The following SPHKAP variants were observed in gnomAD, a reference collection of about 807,000 sequenced individuals.
The protein encoded by SPHKAP is SPHK1 interactor, AKAP domain containing.
Under a neutral mutation model 137.5 loss-of-function variants are expected in SPHKAP, and 67 were observed. The observed-to-expected ratio is 0.49, with a 90% CI of 0.40 to 0.60. SPHKAP has a LOEUF of 0.60. Among genes scored for constraint, SPHKAP ranks in the 20% least tolerant of loss-of-function variants. SPHKAP has a pLI of 0.00. For synonymous variants in SPHKAP, 813 were observed against 785.3 expected (o/e 1.04, Z -0.59); for missense variants, 2,097 against 2,069.3 (o/e 1.01, Z -0.26).
chr2:228,134,653 C>T lies in SPHKAP; in HGVS notation c.33-2568G>A, dbSNP rs114247546. On this transcript the variant is annotated intron_variant, in intron 1 of 11. Coordinates refer to ENST00000392056, the MANE Select transcript of SPHKAP (RefSeq NM_001142644.2). ...AATAGTTTACATGTGGAAGATAAGGCCATGCACCAAGCTAACTTTGAACTT... is the reference window on the plus strand; with the variant it reads ...AATAGTTTACATGTGGAAGATAAGGTCATGCACCAAGCTAACTTTGAACTT... Among the ~76,000 whole-genome samples the T allele has an allele frequency of 5.7e-3, 865 of 152,294 alleles. 8 individuals are homozygous for T. The highest frequency in any genetic ancestry group is 0.02 in the African/African-American group (812 of 41,568).
chr2:228,043,040 A>G (rs1695910276), intron 3 of SPHKAP, among the ~76,000 whole-genome samples: 1 of 152,246 alleles, frequency 6.6e-6, no homozygotes, highest in Admixed American at 6.5e-5. Context: ...ACTGCAATTT[A>G]AAACGGAAAT....
At chr2:228,026,890 T>G (rs954402192) in intron 4 of SPHKAP, among the ~76,000 whole-genome samples, 19 of 152,238 alleles carry the variant, frequency 1.2e-4, no homozygotes, top group Non-Finnish European at 2.2e-4. Flanking sequence ...TAAACAGTAT[T>G]ACACCAAATG....
chr2:228,152,378 C>A (rs1233554480), intron 1 of SPHKAP, among the ~76,000 whole-genome samples: 1 of 151,974 alleles, frequency 6.6e-6, no homozygotes, highest in African/African-American at 2.4e-5. Context: ...AGGTCTTTAC[C>A]ATTATACTTT....
Position 228,012,381 on chromosome 2 carries a change from C to T in SPHKAP, c.4448+4025G>A, listed in dbSNP as rs567401904. Among the ~76,000 whole-genome samples the T allele has an allele frequency of 3.3e-5, 5 of 152,038 alleles. 1 individual carries two copies. In the South Asian group the frequency reaches 8.3e-4, roughly 25 times the overall value. On this transcript the variant is annotated intron_variant, in intron 7 of 11. Coordinates refer to ENST00000392056, the MANE Select transcript of SPHKAP (RefSeq NM_001142644.2). ...GGTGATTCATAGTGGGAACATTTTT[C>T]GGGCTGGCTAGATCACCATAATGCT...
intron 3 of SPHKAP, among the ~76,000 whole-genome samples, chr2:228,071,414 T>C (rs540559789): frequency 8.5e-4 from 129 of 152,344 alleles, no homozygotes; most frequent in Non-Finnish European, 1.4e-3. Context: ...TTCTGTTATC[T>C]TGACATTTTT....
At chr2:228,051,514 A>G (rs952492288) in intron 3 of SPHKAP, among the ~76,000 whole-genome samples, 2 of 152,070 alleles carry the variant, frequency 1.3e-5, no homozygotes, top group African/African-American at 4.8e-5. Flanking sequence ...AGGCTAGACC[A>G]CTGGTTCAAG....
rs368894722 is a variant in SPHKAP at position 228,019,315 on chromosome 2, T to C, written c.1539A>G (p.Pro513=). Reference sequence around the variant, plus strand: ...CCATTTTGAGTCTTTCTGTGGCCTGTGGACTGGAAATAGTTCCAATCACAG... The same window carrying C: ...CCATTTTGAGTCTTTCTGTGGCCTGCGGACTGGAAATAGTTCCAATCACAG... ...AATVIGTISS[P]QATERLKMEQ... The change falls in exon 7 of 12, where the codon CCA becomes CCG. Residue 513 remains proline, a synonymous_variant. Transcript: ENST00000392056. 1 of 1,614,200 alleles carries C rather than the reference T, an allele frequency of 6.2e-7. No homozygotes were observed.
chr2:228,012,837 TG>T (rs1394024882), intron 7 of SPHKAP, among the ~76,000 whole-genome samples: 1 of 152,256 alleles, frequency 6.6e-6, no homozygotes, highest in East Asian at 1.9e-4. Context: ...GTCAGTTTGT[TG>T]TTTATACTTT....
intron 11 of SPHKAP, among the ~76,000 whole-genome samples, chr2:227,988,788 G>A (rs1693305283): frequency 1.3e-5 from 2 of 152,164 alleles, no homozygotes; most frequent in South Asian, 4.1e-4. Context: ...TGGGGGTAGG[G>A]TCACACATGA....
intron 1 of SPHKAP, among the ~76,000 whole-genome samples, chr2:228,173,755 T>G (rs979056568): frequency 2.6e-5 from 4 of 152,208 alleles, no homozygotes; most frequent in Non-Finnish European, 4.4e-5. Context: ...GATAAATGTA[T>G]TGTTTTAAGC....
intron 11 of SPHKAP, chr2:227,982,364 G>A: frequency 1.0e-6 from 1 of 985,298 alleles, no homozygotes; most frequent in Non-Finnish European, 1.2e-6. Context: ...TCACCCTCCA[G>A]GCTAAAATCA....
chr2:228,167,504 A>T (rs1250633043), intron 1 of SPHKAP, among the ~76,000 whole-genome samples: 1 of 152,202 alleles, frequency 6.6e-6, no homozygotes, highest in East Asian at 1.9e-4. Flanking sequence ...AGCAATGAAC[A>T]CATTATATGG....
intron 3 of SPHKAP, among the ~76,000 whole-genome samples, chr2:228,029,948 C>G (rs1212436955): frequency 6.6e-6 from 1 of 152,128 alleles, no homozygotes; most frequent in Admixed American, 6.5e-5. Flanking sequence ...AGAAAGGCCT[C>G]TATAGTAGCA....
Position 228,018,840 on chromosome 2 carries a change from A to T in SPHKAP, c.2014T>A (p.Ser672Thr). Reference sequence around the variant, plus strand: ...ATGGAATGCCTCAGGATAACATTGGACAGGGTATGTGCCAGTTCATTCCTG... The same window carrying T: ...ATGGAATGCCTCAGGATAACATTGGTCAGGGTATGTGCCAGTTCATTCCTG... The part of the protein sequence containing the change: ...VVRNELAHTL[S>T]NVILRHSIDE... The change falls in exon 7 of 12, where the codon TCC becomes ACC. Residue 672 changes from serine (S) to threonine (T), a missense_variant. Ser to Thr is a moderately conservative substitution (Grantham distance 58, BLOSUM62 1). Transcript: ENST00000392056. 1 of 1,614,216 alleles carries T rather than the reference A, an allele frequency of 6.2e-7. No homozygotes were observed. The highest frequency in any genetic ancestry group is 1.3e-5 in the African/African-American group (1 of 75,056).
intron 3 of SPHKAP, among the ~76,000 whole-genome samples, chr2:228,036,928 A>T (rs1398715655): frequency 2.0e-5 from 3 of 152,034 alleles, no homozygotes; most frequent in African/African-American, 7.2e-5. Flanking sequence ...CATATACCTA[A>T]TGCTAAGTGA....
chr2:228,120,916 G>T (rs552078701), intron 2 of SPHKAP, among the ~76,000 whole-genome samples: 2 of 152,284 alleles, frequency 1.3e-5, no homozygotes, highest in East Asian at 3.9e-4. Context: ...AATCAAGTTA[G>T]ACACATAAAT....
At chr2:227,995,081 G>A (rs937818901) in intron 8 of SPHKAP, among the ~76,000 whole-genome samples, 1 of 152,228 alleles carries the variant, frequency 6.6e-6, no homozygotes, top group Non-Finnish European at 1.5e-5. Flanking sequence ...GGGAGATAGA[G>A]GGAGGAACAG....
intron 3 of SPHKAP, chr2:228,027,960 GA>G (rs113514692): frequency 0.059 from 46,413 of 783,670 alleles, 1 homozygote; most frequent in Non-Finnish European, 0.064. Context: ...GACTGCATCT[GA>G]AAAAAAAAAA....
At chr2:228,127,920 T>C (rs1699128251) in intron 2 of SPHKAP, among the ~76,000 whole-genome samples, 1 of 152,286 alleles carries the variant, frequency 6.6e-6, no homozygotes, top group Admixed American at 6.5e-5. Flanking sequence ...AAAAAGTATG[T>C]AGATTAATTA....
Sources: gnomAD v4.1 joint callset for allele counts (sites outside exome capture counted in the v4.1 genomes callset) on GRCh38, gnomAD v4.1.1 for gene constraint, MANE v1.5 for transcripts, NCBI Gene and HGNC (gene_info 2026-07-23, HGNC 2026-07-21) for gene names.